IQCK: variants seen among roughly 807,000 people sequenced by gnomAD.
IQCK encodes IQ motif containing K.
In IQCK, 29 loss-of-function variants were observed where a neutral mutation model predicts 28.1. The ratio of observed to expected loss-of-function variants is 1.03; its 90% CI spans 0.77 to 1.41. The LOEUF is 1.41. Ranked by LOEUF, IQCK falls within the 40% of genes most tolerant of loss-of-function variation. The probability of loss-of-function intolerance (pLI) is 0.00; values close to 1 mark genes in which losing one functional copy is unlikely to be tolerated. For synonymous variants in IQCK, 113 were observed against 115.1 expected (o/e 0.98, Z 0.12); for missense variants, 359 against 314.7 (o/e 1.14, Z -1.07).
At chr16:19,747,922 C>T (rs954475649) in intron 4 of IQCK, among the ~76,000 whole-genome samples, 4 of 152,118 alleles carry the variant, frequency 2.6e-5, no homozygotes, top group African/African-American at 9.7e-5. Context: ...CTTTTTGCAA[C>T]TTACCGTATA....
rs145400514 is a variant in IQCK, at chr16:19,781,711, G to A, written c.606-7127G>A. ...AAGCCAATAATGTGATGCCTCGGCA[G>A]GGCGTGGTGGCTCACGCCTGTAATC... On this transcript the variant is annotated intron_variant, in intron 6 of 7. Coordinates refer to ENST00000564186, the Ensembl canonical transcript of IQCK. Among the ~76,000 whole-genome samples, 1,153 of 152,252 alleles carry A rather than the reference G, an allele frequency of 7.6e-3. 10 individuals are homozygous for A. Among genetic ancestry groups the A allele is most frequent in the African/African-American group, 0.026 (1,084 of 41,554 alleles).
At chr16:19,760,158 A>G (rs1219079848) in intron 4 of IQCK, among the ~76,000 whole-genome samples, 1 of 152,246 alleles carries the variant, frequency 6.6e-6, no homozygotes. Flanking sequence ...TTTTAAAAAG[A>G]CAATGAGAAT....
In IQCK at chr16:19,797,730, C is replaced by A. The variant is rs148871040; in HGVS notation, c.690+8808C>A. 3.0e-4 allele frequency among the ~76,000 whole-genome samples: 24 copies of A among 79,298 alleles called. 2 individuals carry two copies. In the East Asian group the frequency reaches 8.5e-3, roughly 28 times the overall value. 52.0% of individuals were successfully genotyped at this position (79,298 alleles called of 152,430 possible). A position where few individuals can be genotyped will look rare whatever the true frequency, so the allele number is the denominator to read the frequency against. On this transcript the variant is annotated intron_variant, in intron 7 of 7. Transcript: ENST00000564186. ...GGCGAACTAGGGTAAATGAGGGAAC[C>A]CCCAAGGAGAAACAGCTTGGTATCA... is the stretch of plus-strand genomic sequence containing the variant.
intron 9 of IQCK, among the ~76,000 whole-genome samples, chr16:19,834,745 T>G (rs998729091): frequency 6.6e-5 from 10 of 152,190 alleles, no homozygotes; most frequent in Non-Finnish European, 1.5e-4. Flanking sequence ...AAATCCTCTG[T>G]CCATCTACAT....
intron 4 of IQCK, among the ~76,000 whole-genome samples, chr16:19,739,411 G>C (rs142407750): frequency 2.6e-5 from 4 of 152,184 alleles, no homozygotes; most frequent in Non-Finnish European, 4.4e-5. Context: ...AAACAAAAAA[G>C]CTGGTAAAAT....
intron 9 of IQCK, among the ~76,000 whole-genome samples, chr16:19,838,017 T>C (rs946997922): frequency 2.6e-5 from 4 of 152,198 alleles, no homozygotes; most frequent in African/African-American, 7.2e-5. Flanking sequence ...CTTTGAAAAA[T>C]TGAATGGTTG....
At chr16:19,726,298 T>C (rs1363921089) in intron 1 of IQCK, among the ~76,000 whole-genome samples, 5 of 152,224 alleles carry the variant, frequency 3.3e-5, no homozygotes, top group Non-Finnish European at 7.3e-5. Flanking sequence ...ATTTTTTTCT[T>C]TTACATGTGT....
At chr16:19,813,208 A>G (rs1408886743) in intron 7 of IQCK, among the ~76,000 whole-genome samples, 2 of 152,230 alleles carry the variant, frequency 1.3e-5, no homozygotes, top group African/African-American at 2.4e-5. Context: ...CAGTTAAGAG[A>G]CAAGGACAGA....
chr16:19,844,237 G>T (rs1162819284), intron 9 of IQCK, among the ~76,000 whole-genome samples: 1 of 152,018 alleles, frequency 6.6e-6, no homozygotes, highest in Non-Finnish European at 1.5e-5. Flanking sequence ...CTGCCACCAC[G>T]CCCGGCTAAT....
intron 7 of IQCK, among the ~76,000 whole-genome samples, chr16:19,807,019 A>T (rs897122647): frequency 1.3e-5 from 2 of 152,204 alleles, no homozygotes; most frequent in African/African-American, 4.8e-5. Flanking sequence ...AATATGGCAG[A>T]AATAATGGTG....
At chr16:19,808,357 T>G (rs552729060) in intron 7 of IQCK, among the ~76,000 whole-genome samples, 1 of 152,192 alleles carries the variant, frequency 6.6e-6, no homozygotes, top group Admixed American at 6.5e-5. Flanking sequence ...TCAGTCACAA[T>G]GTACCCCCAG....
intron 6 of IQCK, among the ~76,000 whole-genome samples, chr16:19,785,355 CCT>C (rs979972080): frequency 1.3e-5 from 2 of 152,018 alleles, no homozygotes; most frequent in African/African-American, 4.8e-5. Context: ...TAGCAAAGGC[CCT>C]GAGGTGGGAG....
At chr16:19,760,843 G>A (rs2055128018) in intron 4 of IQCK, among the ~76,000 whole-genome samples, 1 of 152,182 alleles carries the variant, frequency 6.6e-6, no homozygotes, top group South Asian at 2.1e-4. Context: ...AGGGCTGCTG[G>A]CTGCCCATTT....
chr16:19,858,071 C>T (rs2056584894), exon 10 of IQCK: 1 of 158,096 alleles, frequency 6.3e-6, no homozygotes, highest in African/African-American at 2.4e-5. Flanking sequence ...TTTACACACG[C>T]AGATCTTAAA....
chr16:19,821,191 T>G (rs1044341181), intron 7 of IQCK, among the ~76,000 whole-genome samples: 1 of 151,788 alleles, frequency 6.6e-6, no homozygotes, highest in Non-Finnish European at 1.5e-5. Flanking sequence ...AAGAAAAAAT[T>G]AAATTAAATT....
chr16:19,760,793 G>A (rs994838364), intron 4 of IQCK, among the ~76,000 whole-genome samples: 4 of 152,150 alleles, frequency 2.6e-5, no homozygotes, highest in South Asian at 4.1e-4. Context: ...GGAAAGTGCA[G>A]GAATAAAAGA....
chr16:19,846,182 T>C (rs2056413698), intron 9 of IQCK, among the ~76,000 whole-genome samples: 1 of 152,218 alleles, frequency 6.6e-6, no homozygotes, highest in South Asian at 2.1e-4. Context: ...CTATCCTCCT[T>C]TTATGGATGA....
intron 6 of IQCK, among the ~76,000 whole-genome samples, chr16:19,784,484 A>G (rs112619788): frequency 6.6e-6 from 1 of 152,240 alleles, no homozygotes; most frequent in African/African-American, 2.4e-5. Context: ...AATCACGTGT[A>G]GAAAATGCTT....
At chr16:19,773,283 G>T (rs1447358020) in intron 6 of IQCK, among the ~76,000 whole-genome samples, 1 of 152,152 alleles carries the variant, frequency 6.6e-6, no homozygotes, top group Non-Finnish European at 1.5e-5. Flanking sequence ...AAGTATTGTG[G>T]TGCTGAGAAG....
Sources: gnomAD v4.1 joint callset for allele counts (sites outside exome capture counted in the v4.1 genomes callset) on GRCh38, gnomAD v4.1.1 for gene constraint, MANE v1.5 for transcripts, NCBI Gene and HGNC (gene_info 2026-07-23, HGNC 2026-07-21) for gene names.